The following TNKS2 variants were observed in gnomAD, a reference collection of about 807,000 sequenced individuals.
TNKS2 encodes the protein tankyrase 2.
TNKS2 carries 72 observed loss-of-function variants against 137.6 expected under a neutral mutation model. The observed-to-expected ratio is 0.52, with a 90% CI of 0.43 to 0.64. TNKS2 has a LOEUF of 0.64. Ranked by LOEUF, TNKS2 falls within the 30% of genes least tolerant of loss-of-function variation. The pLI, the probability that TNKS2 is intolerant of heterozygous loss-of-function variation, is 0.00. For synonymous variants in TNKS2, 516 were observed against 512.1 expected (o/e 1.01, Z -0.10); for missense variants, 1,049 against 1,410.2 (o/e 0.74, Z 4.10).
In TNKS2 at chr10:91,798,607, G is replaced by T. The variant is rs963437536; in HGVS notation, c.-84G>T. 201 of 1,202,240 alleles carry T rather than the reference G, an allele frequency of 1.7e-4. No individual in the cohort carries two copies. Among genetic ancestry groups the T allele is most frequent in the Non-Finnish European group, 1.8e-4 (170 of 968,884 alleles). 74.5% of individuals were successfully genotyped at this position (1,202,240 alleles called of 1,614,324 possible). ...CCGGGCCCTGAGCGCGTCTTCTCCG[G>T]GGGGCCTCGCCCTCCTGCTCGCGGG... On this transcript the variant is annotated 5_prime_UTR_variant, in exon 1 of 27. Coordinates refer to ENST00000371627, the MANE Select transcript of TNKS2 (RefSeq NM_025235.4).
intron 18 of TNKS2, among the ~76,000 whole-genome samples, chr10:91,847,619 G>T (rs1253050747): frequency 6.6e-6 from 1 of 152,014 alleles, no homozygotes; most frequent in Non-Finnish European, 1.5e-5. Context: ...CTCCCAAAGT[G>T]CTGGGATTAC....
In TNKS2 at chr10:91,827,099, G is replaced by A; in HGVS notation, c.878G>A (p.Cys293Tyr). Residue 293 changes from cysteine (C) to tyrosine (Y), a missense_variant, in exon 8 of 27, where the codon TGT becomes TAT. Cys to Tyr is a radical substitution (Grantham distance 194, BLOSUM62 -2). Around this residue, in one of 6 missense-constraint regions of TNKS2, gnomAD observed 374 missense variants for 460.8 expected, o/e 0.81. Transcript: ENST00000371627. The part of the protein sequence containing the change: ...EAASKNRVEV[C>Y]SLLLSYGADP... ...GCTTCTAAGAACAGGGTTGAAGTAT[G>A]TTCTCTTCTCTTAAGTTATGGTGCA... 1 of 1,611,936 alleles carries A rather than the reference G, an allele frequency of 6.2e-7. No homozygotes were observed. The highest frequency in any genetic ancestry group is 8.5e-7 in the Non-Finnish European group (1 of 1,179,012).
At chr10:91,861,804 CTA>C (rs1397303302) in intron 25 of TNKS2, among the ~76,000 whole-genome samples, 193 bp from the exon 26 acceptor site, 4 of 152,116 alleles carry the variant, frequency 2.6e-5, no homozygotes, top group African/African-American at 7.2e-5. Context: ...TAAGGACTAA[CTA>C]AATTGACAAA....
At chr10:91,817,083 C>G in intron 2 of TNKS2, 51 bp from the exon 3 acceptor site, 1 of 1,297,332 alleles carries the variant, frequency 7.7e-7, no homozygotes, top group Non-Finnish European at 1.1e-6. Context: ...TTACTAAAAT[C>G]AAGTTGTTAA....
At chr10:91,834,269 A>C (rs1044060130) in intron 12 of TNKS2, among the ~76,000 whole-genome samples, 7 of 152,178 alleles carry the variant, frequency 4.6e-5, no homozygotes, top group Non-Finnish European at 1.0e-4. Context: ...ATGGCTTTCA[A>C]GTTTTTATCG....
Position 91,819,497 on chromosome 10 carries a change from A to G in TNKS2, c.573A>G (p.Glu191=). The G allele has an allele frequency of 6.3e-7, 1 of 1,586,308 alleles. No homozygotes were observed. Among genetic ancestry groups the G allele is most frequent in the Non-Finnish European group, 8.5e-7 (1 of 1,171,512 alleles). The part of the protein sequence containing the change: ...LLESARSGNE[E]KMMALLTPLN... ...TGTATTCTAGGAGTGGCAATGAAGA[A>G]AAAATGATGGCTCTACTCACACCAT... The change falls in exon 5 of 27, where the codon GAA becomes GAG. Residue 191 remains glutamate (E), a synonymous_variant. Transcript: ENST00000371627.
intron 6 of TNKS2, among the ~76,000 whole-genome samples, chr10:91,821,154 C>T (rs1227117548): frequency 6.6e-6 from 1 of 152,168 alleles, no homozygotes. Flanking sequence ...TCTCCTGCCT[C>T]AGGCTTCTGA....
chr10:91,798,453 C>G lies in TNKS2; in HGVS notation c.-238C>G. The G allele has an allele frequency of 9.4e-6, 3 of 319,282 alleles. No homozygotes were observed. The highest frequency in any genetic ancestry group is 1.6e-5 in the Non-Finnish European group (3 of 182,796). The allele number at this position is 319,282 out of a possible 1,614,324, so 19.8% of individuals were successfully genotyped here. A position where few individuals can be genotyped will look rare whatever the true frequency, so the allele number is the denominator to read the frequency against. On this transcript the variant is annotated 5_prime_UTR_variant, in exon 1 of 27. Coordinates refer to ENST00000371627, the MANE Select transcript of TNKS2 (RefSeq NM_025235.4). ...CTTCCGCCGCCGCGTCGTTTCAGGA[C>G]CCGGACGGCGGATTCGCGCTGCCTC...
chr10:91,811,204 G>A (rs1028757233), intron 1 of TNKS2, among the ~76,000 whole-genome samples: 7 of 151,908 alleles, frequency 4.6e-5, no homozygotes, highest in South Asian at 4.2e-4. Context: ...GATTACTGGC[G>A]TGAGCCACTG....
intron 12 of TNKS2, 76 bp from the exon 13 acceptor site, chr10:91,836,843 G>T: frequency 6.5e-7 from 1 of 1,529,354 alleles, no homozygotes. Context: ...GCTTTCTGAT[G>T]AGATGCCTTC....
chr10:91,852,169 A>G (rs1223839687), intron 21 of TNKS2, among the ~76,000 whole-genome samples: 1 of 151,816 alleles, frequency 6.6e-6, no homozygotes, highest in Non-Finnish European at 1.5e-5. Flanking sequence ...CGGAGCTTGC[A>G]GTGAGTGGAG....
rs1453244526 is a variant in TNKS2, at chr10:91,855,630, G to T, written c.2930G>T (p.Arg977Leu). The T allele has an allele frequency of 1.9e-6, 3 of 1,611,478 alleles. No homozygotes were observed. The highest frequency in any genetic ancestry group is 2.5e-6 in the Non-Finnish European group (3 of 1,178,802). ...TTCTGACAGATGCAAAGTACAGTTC[G>T]AGAGCACAGAGATGGAGGTCATGCA... ...SVEEEMQSTV[R>L]EHRDGGHAGG... is the part of the protein sequence containing the mutation. The change falls in exon 23 of 27, where the codon CGA (arginine) becomes CTA (leucine). Residue 977 changes from arginine (R) to leucine (L), a missense_variant. Transcript: ENST00000371627.
At chr10:91,806,222 A>G (rs1844323127) in intron 1 of TNKS2, among the ~76,000 whole-genome samples, 2 of 152,232 alleles carry the variant, frequency 1.3e-5, no homozygotes, top group South Asian at 2.1e-4. Context: ...AATCAACATT[A>G]CATTTAGGTG....
At chr10:91,839,335 A>T (rs1589678264) in intron 13 of TNKS2, among the ~76,000 whole-genome samples, 1 of 150,830 alleles carries the variant, frequency 6.6e-6, no homozygotes, top group South Asian at 2.1e-4. Flanking sequence ...AACCATCAGC[A>T]TTTTTTTTTC....
At chr10:91,844,389 C>T (rs1454627644) in intron 16 of TNKS2, among the ~76,000 whole-genome samples, 1 of 152,098 alleles carries the variant, frequency 6.6e-6, no homozygotes, top group Non-Finnish European at 1.5e-5. Flanking sequence ...CACCTAAGTT[C>T]CTCTACTAGA....
intron 12 of TNKS2, among the ~76,000 whole-genome samples, chr10:91,835,276 C>CTTTTTTTTCTTTTTTTTTTCT (rs1554838002): frequency 7.1e-6 from 1 of 141,354 alleles, no homozygotes; most frequent in African/African-American, 2.6e-5. Flanking sequence ...GCCCATTTCT[C>CTTTTTTTTCTTTTTTTTTTCT]TTTTTTTTCT....
chr10:91,859,726 T>C, intron 25 of TNKS2, 78 bp downstream of exon 25: 1 of 1,242,262 alleles, frequency 8.0e-7, no homozygotes, highest in South Asian at 1.4e-5. Flanking sequence ...CAAAGCATTA[T>C]GTTGGACAGT....
intron 3 of TNKS2, 70 bp from the exon 4 acceptor site, chr10:91,819,200 C>A: frequency 1.2e-6 from 1 of 850,772 alleles, no homozygotes; most frequent in Non-Finnish European, 1.7e-6. Context: ...ATTCATTGGG[C>A]ATCTTTTTGC....
chr10:91,822,943 C>T (rs1273843049), intron 7 of TNKS2, among the ~76,000 whole-genome samples: 1 of 151,368 alleles, frequency 6.6e-6, no homozygotes, highest in Non-Finnish European at 1.5e-5. Flanking sequence ...ATCCCATCTA[C>T]TCAGGAGGCT....
Sources: gnomAD v4.1 joint callset for allele counts (sites outside exome capture counted in the v4.1 genomes callset) on GRCh38, gnomAD v4.1.1 for gene constraint, gnomAD v4.1.1 regional missense constraint, MANE v1.5 for transcripts, NCBI Gene and HGNC (gene_info 2026-07-23, HGNC 2026-07-21) for gene names.